The following CIT variants were observed in gnomAD, a reference collection of about 807,000 sequenced individuals.
CIT encodes citron rho-interacting serine/threonine kinase.
A neutral mutation model predicts 272.7 loss-of-function variants in CIT; 79 were observed. That is an observed-to-expected ratio of 0.29 (90% CI 0.24 to 0.35). CIT has a LOEUF of 0.35. CIT is among the 10% of genes least tolerant of loss of function. The probability of loss-of-function intolerance (pLI) is 1.00; values close to 1 mark genes in which losing one functional copy is unlikely to be tolerated. For missense variants in CIT, 1,909 were observed against 2,618.3 expected (o/e 0.73, Z 5.91); for synonymous variants, 948 against 995.6 (o/e 0.95, Z 0.90).
At chr12:119,797,591 T>C (rs1965840425) in intron 10 of CIT, among the ~76,000 whole-genome samples, 1 of 152,226 alleles carries the variant, frequency 6.6e-6, no homozygotes, top group Non-Finnish European at 1.5e-5. Context: ...AGCAGATGCA[T>C]GTCTTCGTGT....
chr12:119,771,011 C>A, intron 17 of CIT, 101 bp from the exon 18 acceptor site: 1 of 1,428,562 alleles, frequency 7.0e-7, no homozygotes, highest in South Asian at 1.4e-5. Flanking sequence ...ACACTCGAGT[C>A]AGGAAGAAAA....
Position 119,843,472 on chromosome 12 carries a change from T to C in CIT, c.516+6702A>G, listed in dbSNP as rs58447403. On this transcript the variant is annotated intron_variant, in intron 5 of 47. Coordinates refer to ENST00000392521, the MANE Select transcript of CIT (RefSeq NM_001206999.2). ...GGAGAGAAGAGACAGCCAGGAGGGA[T>C]ATACCATAGGAGGTAGAATCCTGTT... is the stretch of plus-strand genomic sequence containing the variant. 4.3e-3 allele frequency among the ~76,000 whole-genome samples: 648 copies of C among 152,226 alleles called. 6 individuals carry two copies. Among genetic ancestry groups the C allele is most frequent in the African/African-American group, 0.015 (622 of 41,534 alleles).
chr12:119,800,732 G>C (rs1966120684), intron 10 of CIT, among the ~76,000 whole-genome samples: 1 of 152,190 alleles, frequency 6.6e-6, no homozygotes, highest in Admixed American at 6.5e-5. Flanking sequence ...GAAACACAGG[G>C]TCGCTGGCAG....
rs560022956 is a variant in CIT at position 119,704,215 on chromosome 12, C to T, written c.5304+148G>A. 1.5e-4 allele frequency: 99 copies of T among 654,054 alleles called. No homozygotes were observed. The East Asian group carries it at 1.9e-3, about 12-fold the overall frequency. The allele number at this position is 654,054 out of a possible 1,614,324, so 40.5% of individuals were successfully genotyped here. ...CTCCACAAAGGAAGGATCTCGCTGACGACAGAGGTCACCCCAGGCTAAAGG... is the reference window on the plus strand; with the variant it reads ...CTCCACAAAGGAAGGATCTCGCTGATGACAGAGGTCACCCCAGGCTAAAGG... On this transcript the variant is annotated intron_variant, in intron 41 of 47. Transcript: ENST00000392521.
Position 119,712,563 on chromosome 12 carries a change from G to A in CIT, c.4684+28C>T. 1 of 1,605,332 alleles carries A rather than the reference G, an allele frequency of 6.2e-7. No individual in the cohort carries two copies. The highest frequency in any genetic ancestry group is 8.5e-7 in the Non-Finnish European group (1 of 1,172,160). On this transcript the variant is annotated intron_variant, in intron 36 of 47. Transcript: ENST00000392521. The surrounding 1 kb of genome is among the most constrained non-coding windows in gnomAD (Gnocchi z 5.2). ...ATTGGCCAAGCCCGGCCCACCTCCA[G>A]GGCGGGGCTCCTCCGGCTCCTCCTC...
intron 10 of CIT, among the ~76,000 whole-genome samples, chr12:119,787,647 C>A (rs1277412493): frequency 7.0e-6 from 1 of 143,104 alleles, no homozygotes; most frequent in Non-Finnish European, 1.5e-5. Flanking sequence ...AGGAGAATGG[C>A]ATGAACCCGG....
intron 4 of CIT, 36 bp from the exon 5 acceptor site, chr12:119,850,311 G>A: frequency 7.5e-7 from 1 of 1,334,848 alleles, no homozygotes; most frequent in Non-Finnish European, 1.1e-6. Flanking sequence ...CAATTATAAA[G>A]AACTGTGAGA....
intron 5 of CIT, among the ~76,000 whole-genome samples, chr12:119,849,373 G>C (rs1458042889): frequency 6.6e-6 from 1 of 151,972 alleles, no homozygotes; most frequent in Admixed American, 6.6e-5. Flanking sequence ...ATTGCAGTGA[G>C]CCGAGATAGT....
intron 5 of CIT, among the ~76,000 whole-genome samples, chr12:119,844,593 A>G (rs987125863): frequency 6.6e-6 from 1 of 152,200 alleles, no homozygotes; most frequent in Non-Finnish European, 1.5e-5. Context: ...ACGTATGAGC[A>G]TATCTTAATT....
chr12:119,747,226 G>A (rs1182479392), intron 23 of CIT, among the ~76,000 whole-genome samples: 1 of 150,334 alleles, frequency 6.7e-6, no homozygotes, highest in Non-Finnish European at 1.5e-5. Context: ...TTCGAGACCA[G>A]CCTGACCAAC....
chr12:119,720,962 CTTAT>C (rs1318923063), intron 29 of CIT, among the ~76,000 whole-genome samples: 3 of 152,012 alleles, frequency 2.0e-5, no homozygotes, highest in African/African-American at 4.8e-5. Flanking sequence ...CCTCTGCAGA[CTTAT>C]TTATTTATTT....
At chr12:119,745,182 T>A (rs1300682935) in intron 23 of CIT, among the ~76,000 whole-genome samples, 1 of 145,552 alleles carries the variant, frequency 6.9e-6, no homozygotes, top group African/African-American at 2.5e-5. Context: ...TGAAACTGTT[T>A]AAGTCCAATA....
rs150239278 is a variant in CIT at position 119,725,470 on chromosome 12, G to A, written c.3591+3032C>T. On this transcript the variant is annotated intron_variant, in intron 28 of 47. Transcript: ENST00000392521. ...AAAAAATAAAAGTCTCCGCACCTAC[G>A]AAGAGGATACTTAGGTGGAAGCCTT... Among the ~76,000 whole-genome samples the A allele has an allele frequency of 2.8e-3, 427 of 152,202 alleles. 7 individuals are homozygous for A. The highest frequency in any genetic ancestry group is 3.5e-3 in the South Asian group (17 of 4,822).
intron 10 of CIT, among the ~76,000 whole-genome samples, chr12:119,794,127 C>A (rs1965535272): frequency 6.6e-6 from 1 of 152,104 alleles, no homozygotes; most frequent in Admixed American, 6.5e-5. Flanking sequence ...ATTCTGCAGA[C>A]CACCATCTGC....
chr12:119,874,101 C>T (rs775012124), intron 2 of CIT, among the ~76,000 whole-genome samples: 1 of 152,056 alleles, frequency 6.6e-6, no homozygotes, highest in Non-Finnish European at 1.5e-5. Context: ...GTCTTACCCA[C>T]TCTGTCGCCC....
chr12:119,867,489 C>G (rs1443751348), intron 3 of CIT, among the ~76,000 whole-genome samples: 1 of 152,176 alleles, frequency 6.6e-6, no homozygotes, highest in Non-Finnish European at 1.5e-5. Flanking sequence ...CGCCCAGCCA[C>G]AGTGACTATT....
intron 10 of CIT, among the ~76,000 whole-genome samples, chr12:119,797,048 T>C (rs1051845611): frequency 1.3e-5 from 2 of 152,052 alleles, no homozygotes; most frequent in Admixed American, 6.5e-5. Context: ...GGTCAGGAGA[T>C]GAACAGCAAG....
chr12:119,783,584 C>T (rs1001148663), intron 12 of CIT: 3 of 191,108 alleles, frequency 1.6e-5, no homozygotes, highest in African/African-American at 7.0e-5. Context: ...ATGTCAGACA[C>T]AACGCAGACC....
chr12:119,765,921 A>G lies in CIT; in HGVS notation c.2304+1166T>C, dbSNP rs1593655275. Among the ~76,000 whole-genome samples, 4 of 152,338 alleles carry G rather than the reference A, an allele frequency of 2.6e-5. No homozygotes were observed. The South Asian group carries it at 6.2e-4, about 24-fold the overall frequency. On this transcript the variant is annotated intron_variant, in intron 19 of 47. Transcript: ENST00000392521. ...GGAAAGAAAAGGAAATCAGTATATCAAAGAGATATCTGCACTCCCATGTTT... is the reference window on the plus strand; with the variant it reads ...GGAAAGAAAAGGAAATCAGTATATCGAAGAGATATCTGCACTCCCATGTTT...
Sources: gnomAD v4.1 joint callset for allele counts (sites outside exome capture counted in the v4.1 genomes callset) on GRCh38, gnomAD v4.1.1 for gene constraint, Gnocchi (gnomAD v3.1) non-coding constraint, MANE v1.5 for transcripts, NCBI Gene and HGNC (gene_info 2026-07-23, HGNC 2026-07-21) for gene names.